The following PRKCZ variants were observed in gnomAD, a reference collection of about 807,000 sequenced individuals.
PRKCZ encodes protein kinase C zeta type.
Under a neutral mutation model 79.5 loss-of-function variants are expected in PRKCZ, and 33 were observed. That is an observed-to-expected ratio of 0.41 (90% CI 0.31 to 0.55). The LOEUF (loss-of-function observed/expected upper bound fraction) is 0.55, where lower values mean the gene tolerates loss of function less well. PRKCZ is among the 20% of genes least tolerant of loss of function. The probability of loss-of-function intolerance (pLI) is 0.19; values close to 1 mark genes in which losing one functional copy is unlikely to be tolerated. For missense variants in PRKCZ, 578 were observed against 813.5 expected, an observed-to-expected ratio of 0.71 and a Z score of 3.52; for synonymous variants, 342 against 320.9, an observed-to-expected ratio of 1.07 and a Z score of -0.70.
intron 4 of PRKCZ, among the ~76,000 whole-genome samples, chr1:2,105,558 C>T (rs376170066): frequency 3.3e-5 from 5 of 152,310 alleles, no homozygotes; most frequent in Admixed American, 6.5e-5. Context: ...TGCCACCATG[C>T]GCAGCTAATT....
intron 5 of PRKCZ, 53 bp from the exon 6 acceptor site, chr1:2,144,157 C>A: frequency 1.3e-6 from 2 of 1,539,594 alleles, no homozygotes; most frequent in Non-Finnish European, 1.8e-6. Flanking sequence ...TGCCTGTCCT[C>A]TCCGCTGGCC....
chr1:2,172,106 G>A lies in PRKCZ; in HGVS notation c.1113G>A (p.Gly371=). The part of the protein sequence containing the change: ...CIALNFLHER[G]IIYRDLKLDN... ...CCCTCAACTTCCTGCACGAGAGGGGGATCATCTACAGGGACCTGAAGCTGG... is the reference window on the plus strand; with the variant it reads ...CCCTCAACTTCCTGCACGAGAGGGGAATCATCTACAGGGACCTGAAGCTGG... Residue 371 remains glycine, a synonymous_variant, in exon 12 of 18, where the codon GGG becomes GGA. Coordinates refer to ENST00000378567, the MANE Select transcript of PRKCZ (RefSeq NM_002744.6). This position sits in a 1 kb window ranked among gnomAD's most constrained non-coding sequence, Gnocchi z 7.8. The A allele has an allele frequency of 6.2e-7, 1 of 1,613,492 alleles. No individual in the cohort carries two copies. The highest frequency in any genetic ancestry group is 8.5e-7 in the Non-Finnish European group (1 of 1,179,958).
intron 8 of PRKCZ, 59 bp downstream of exon 8, chr1:2,148,983 T>C: frequency 6.4e-7 from 1 of 1,552,948 alleles, no homozygotes; most frequent in Non-Finnish European, 8.9e-7. Context: ...TCTGTGAGCC[T>C]GTCTCTGGGG....
At chr1:2,155,082 T>C (rs1680665509) in intron 9 of PRKCZ, among the ~76,000 whole-genome samples, 1 of 152,162 alleles carries the variant, frequency 6.6e-6, no homozygotes, top group African/African-American at 2.4e-5. Context: ...CTGGTAGCTT[T>C]GGTGATCGTG....
chr1:2,086,483 C>T (rs554197040), intron 4 of PRKCZ, among the ~76,000 whole-genome samples: 4 of 152,276 alleles, frequency 2.6e-5, no homozygotes, highest in Non-Finnish European at 4.4e-5. Flanking sequence ...CCTTGGCGAG[C>T]GGCTCCCCCC....
chr1:2,156,142 C>A (rs1439090585), intron 10 of PRKCZ, 50 bp downstream of exon 10: 1 of 1,518,760 alleles, frequency 6.6e-7, no homozygotes, highest in South Asian at 1.1e-5. Flanking sequence ...CAGATGTGAA[C>A]TGCACAGAAG....
At chr1:2,116,652 C>T (rs1232170324) in intron 4 of PRKCZ, among the ~76,000 whole-genome samples, 1 of 152,048 alleles carries the variant, frequency 6.6e-6, no homozygotes, top group African/African-American at 2.4e-5. Flanking sequence ...GTTTTTTGCC[C>T]CCATGTCGTA....
chr1:2,061,324 C>A (rs904841246), intron 4 of PRKCZ, among the ~76,000 whole-genome samples: 1 of 152,004 alleles, frequency 6.6e-6, no homozygotes, highest in African/African-American at 2.4e-5. Flanking sequence ...TCGGCATTGC[C>A]TCTCTGCCCG....
In PRKCZ at chr1:2,125,487, G is replaced by A. The variant is rs561513159; in HGVS notation, c.335-9775G>A. ...GGTGGGGCGGAGGACATCCTGGGGG[G>A]CCTGGCTTCTTGGGAACTGGAGGCT... On this transcript the variant is annotated intron_variant, in intron 4 of 17. Coordinates refer to ENST00000378567, the MANE Select transcript of PRKCZ (RefSeq NM_002744.6). The surrounding 1 kb of genome is among the most constrained non-coding windows in gnomAD (Gnocchi z 4.2). Among the ~76,000 whole-genome samples, 1 of 152,244 alleles carries A rather than the reference G, an allele frequency of 6.6e-6. No homozygotes were observed. Among genetic ancestry groups the A allele is most frequent in the African/African-American group, 2.4e-5 (1 of 41,548 alleles).
At position 2,144,345 on chromosome 1, in the gene PRKCZ, A is replaced by G. The variant is rs1378475010; in HGVS notation, c.552+4A>G. The G allele has an allele frequency of 6.4e-7, 1 of 1,568,206 alleles. No homozygotes were observed. The highest frequency in any genetic ancestry group is 8.6e-7 in the Non-Finnish European group (1 of 1,156,084). ...GCTGACCTGCAGGAAGCATATGGTGAGTGGCAGGGCTGGGGAGGCCCGGGG... is the reference window on the plus strand; with the variant it reads ...GCTGACCTGCAGGAAGCATATGGTGGGTGGCAGGGCTGGGGAGGCCCGGGG... On this transcript the variant is annotated splice_donor_region_variant and intron_variant, in intron 6 of 17. Transcript: ENST00000378567.
At position 2,128,471 on chromosome 1, in the gene PRKCZ, G is replaced by A. The variant is rs751046653; in HGVS notation, c.335-6791G>A. Among the ~76,000 whole-genome samples, 2 of 152,228 alleles carry A rather than the reference G, an allele frequency of 1.3e-5. No individual in the cohort carries two copies. Among genetic ancestry groups the A allele is most frequent in the African/African-American group, 4.8e-5 (2 of 41,466 alleles). ...AACGTGTTTTCTACGTCTTGTCAGA[G>A]TGCTCAAGGCGCGAGATTGCCATGG... On this transcript the variant is annotated intron_variant, in intron 4 of 17. Transcript: ENST00000378567. The surrounding 1 kb of genome is among the most constrained non-coding windows in gnomAD (Gnocchi z 6.5).
intron 4 of PRKCZ, among the ~76,000 whole-genome samples, chr1:2,067,446 G>A (rs1235111976): frequency 6.6e-6 from 1 of 152,230 alleles, no homozygotes; most frequent in Non-Finnish European, 1.5e-5. Context: ...AGCGTGTGAT[G>A]AGATCAGGAG....
chr1:2,113,388 T>G (rs990464070), intron 4 of PRKCZ, among the ~76,000 whole-genome samples: 11 of 152,206 alleles, frequency 7.2e-5, no homozygotes, highest in African/African-American at 2.4e-4. Flanking sequence ...CTCCCCATCT[T>G]GGGCTTTGAG....
chr1:2,065,803 G>A (rs2102274941), intron 4 of PRKCZ, among the ~76,000 whole-genome samples: 1 of 151,954 alleles, frequency 6.6e-6, no homozygotes, highest in East Asian at 1.9e-4. Flanking sequence ...TTTCATACAT[G>A]GTTTTTATTA....
chr1:2,130,960 A>T (rs1369595386), intron 4 of PRKCZ, among the ~76,000 whole-genome samples: 1 of 152,198 alleles, frequency 6.6e-6, no homozygotes, highest in South Asian at 2.1e-4. Context: ...CTCCACACAC[A>T]GCAGTACTCC....
At chr1:2,073,097 C>T (rs1006728118) in intron 4 of PRKCZ, among the ~76,000 whole-genome samples, 5 of 152,010 alleles carry the variant, frequency 3.3e-5, no homozygotes, top group East Asian at 1.9e-4. Context: ...CCTAGGAGCC[C>T]GGGCTGGCCA....
Position 2,056,532 on chromosome 1 carries a change from G to T in PRKCZ, c.242G>T (p.Arg81Leu). The T allele has an allele frequency of 1.9e-6, 3 of 1,613,946 alleles. No individual in the cohort carries two copies. The highest frequency in any genetic ancestry group is 2.5e-6 in the Non-Finnish European group (3 of 1,179,952). The change falls in exon 3 of 18, where the codon CGC becomes CTC. Residue 81 changes from arginine (R) to leucine (L), a missense_variant. This residue lies in a region of PRKCZ where 228 missense variants were observed against 211.6 expected (regional missense o/e 1.08). Coordinates refer to ENST00000378567, the MANE Select transcript of PRKCZ (RefSeq NM_002744.6). ...SSQMELEEAFRLARQCRDEGL... is the reference protein window; with the variant it reads ...SSQMELEEAFLLARQCRDEGL... ...CAGATGGAGCTGGAAGAGGCTTTCC[G>T]CCTGGCCCGTCAGTGCAGGGATGAA... is the stretch of plus-strand genomic sequence containing the variant.
At chr1:2,158,718 T>G (rs1265516522) in intron 10 of PRKCZ, among the ~76,000 whole-genome samples, 2 of 152,116 alleles carry the variant, frequency 1.3e-5, no homozygotes, top group African/African-American at 4.8e-5. Flanking sequence ...CACCCTCACT[T>G]CCCCTGAGTG....
intron 4 of PRKCZ, among the ~76,000 whole-genome samples, chr1:2,118,754 TGA>T (rs60809238): frequency 0.043 from 5,906 of 135,918 alleles, 256 homozygotes; most frequent in African/African-American, 0.11. Context: ...TGTGTGTGTG[TGA>T]GATGAGGGGA....
Sources: allele counts gnomAD v4.1 joint callset (sites outside exome capture counted in the v4.1 genomes callset), GRCh38; gene constraint gnomAD v4.1.1; regional missense constraint gnomAD v4.1.1; non-coding constraint Gnocchi (gnomAD v3.1); transcripts MANE v1.5; gene names NCBI Gene and HGNC (gene_info 2026-07-23, HGNC 2026-07-21).